The following NUB1 variants were observed in gnomAD, a reference collection of about 807,000 sequenced individuals.
The protein encoded by NUB1 is NEDD8 ultimate buster 1.
Under a neutral mutation model 77.1 loss-of-function variants are expected in NUB1, and 41 were observed. The observed-to-expected ratio is 0.53, with a 90% CI of 0.41 to 0.69. The LOEUF (loss-of-function observed/expected upper bound fraction) is 0.69. Ranked by LOEUF, NUB1 falls within the 30% of genes least tolerant of loss-of-function variation. The pLI, the probability that NUB1 is intolerant of heterozygous loss-of-function variation, is 0.00. For synonymous variants in NUB1, 257 were observed against 281.0 expected, an observed-to-expected ratio of 0.91 and a Z score of 0.85; for missense variants, 643 against 743.8, an observed-to-expected ratio of 0.86 and a Z score of 1.58.
chr7:151,377,300 G>GCA lies in NUB1; in HGVS notation c.*75_*76insCA. The GCA allele has an allele frequency of 1.2e-6, 1 of 865,246 alleles. No individual in the cohort carries two copies. The highest frequency in any genetic ancestry group is 3.6e-5 in the Admixed American group (1 of 27,848). 53.6% of individuals were successfully genotyped at this position (865,246 alleles called of 1,614,324 possible). On this transcript the variant is annotated 3_prime_UTR_variant, in exon 15 of 15. Coordinates refer to ENST00000568733, the MANE Select transcript of NUB1 (RefSeq NM_001243351.2). ...TGAAAAGGCTAATGCAGCTCTTTCT[G>GCA]TTCTTACTTTTTATCTGAATTACAA...
intron 12 of NUB1, among the ~76,000 whole-genome samples, chr7:151,374,948 G>T (rs1187557996): frequency 6.6e-6 from 1 of 151,850 alleles, no homozygotes; most frequent in Admixed American, 6.6e-5. Flanking sequence ...AGTCCAGACA[G>T]ATGCTGGGGC....
intron 3 of NUB1, among the ~76,000 whole-genome samples, chr7:151,350,024 CAT>C (rs1410007093): frequency 2.6e-5 from 4 of 152,242 alleles, no homozygotes; most frequent in Admixed American, 6.5e-5. Flanking sequence ...TCACAGGAGT[CAT>C]GTGTCCACCG....
intron 5 of NUB1, 144 bp from the exon 6 acceptor site, chr7:151,355,624 G>T: frequency 1.3e-6 from 1 of 778,208 alleles, no homozygotes; most frequent in Non-Finnish European, 2.0e-6. Flanking sequence ...GGGGAGCCAT[G>T]ATCGTGTCAC....
chr7:151,376,344 C>G (rs1428176996), intron 13 of NUB1: 2 of 490,554 alleles, frequency 4.1e-6, no homozygotes, highest in African/African-American at 3.8e-5. Context: ...GCTGTGGCCA[C>G]TGACCTCGCG....
chr7:151,374,192 G>T lies in NUB1; in HGVS notation c.1344G>T (p.Ala448=). 6.4e-7 allele frequency: 1 copy of T among 1,572,398 alleles called. No homozygotes were observed. Among genetic ancestry groups the T allele is most frequent in the Non-Finnish European group, 8.6e-7 (1 of 1,159,312 alleles). Residue 448 remains alanine, a synonymous_variant, in exon 12 of 15, where the codon GCG becomes GCT. Coordinates refer to ENST00000568733, the MANE Select transcript of NUB1 (RefSeq NM_001243351.2). ...FLKGMGYSTH[A]AQQVLHAASG... ...AAGGGATGGGCTACTCCACGCACGC[G>T]GCCCAGCAGGTACTCCACGCAGCCA...
chr7:151,350,493 A>G (rs1470447700), intron 3 of NUB1, among the ~76,000 whole-genome samples: 2 of 152,264 alleles, frequency 1.3e-5, no homozygotes, highest in Non-Finnish European at 2.9e-5. Flanking sequence ...CGGGCATAAC[A>G]GAGGGCTCAC....
intron 1 of NUB1, among the ~76,000 whole-genome samples, chr7:151,343,471 T>C (rs138570836): frequency 2.0e-5 from 3 of 152,292 alleles, no homozygotes; most frequent in African/African-American, 7.2e-5. Flanking sequence ...AAGAAAGAAA[T>C]TTATCTTGGT....
At chr7:151,375,801 G>A in intron 12 of NUB1, 47 bp from the exon 13 acceptor site, 3 of 1,277,186 alleles carry the variant, frequency 2.3e-6, no homozygotes, top group Non-Finnish European at 3.4e-6. Context: ...GTCTGAATGT[G>A]TGAAGAGTTC....
chr7:151,348,837 A>G (rs1382699503), intron 2 of NUB1, among the ~76,000 whole-genome samples: 1 of 151,838 alleles, frequency 6.6e-6, no homozygotes. Context: ...GGCCTCCCAA[A>G]GTGCTGGGAT....
intron 11 of NUB1, 52 bp downstream of exon 11, chr7:151,368,939 GATA>G: frequency 6.5e-7 from 1 of 1,537,042 alleles, no homozygotes. Context: ...AACAAAAAAA[GATA>G]ATCCCACAGG....
chr7:151,375,884 G>T lies in NUB1; in HGVS notation c.1432G>T (p.Asp478Tyr). 2 of 1,613,310 alleles carry T rather than the reference G, an allele frequency of 1.2e-6. No individual in the cohort carries two copies. Among genetic ancestry groups the T allele is most frequent in the South Asian group, 2.2e-5 (2 of 91,040 alleles). The change falls in exon 13 of 15, where the codon GAT becomes TAT. Residue 478 changes from aspartate (D) to tyrosine (Y), a missense_variant. By Grantham distance (160) the Asp-to-Tyr change is radical. Transcript: ENST00000568733. ...LSNPQMWWLN[D>Y]SNPETDNRQE... ...CAATCCTCAGATGTGGTGGTTAAAT[G>T]ATTCCAATCCTGAAACCGACAACCG...
chr7:151,347,881 A>T (rs530454634), intron 2 of NUB1, among the ~76,000 whole-genome samples: 22 of 152,248 alleles, frequency 1.4e-4, no homozygotes, highest in Non-Finnish European at 2.6e-4. Flanking sequence ...ATTTAATGAA[A>T]CCTTGACCTT....
At chr7:151,367,799 G>C (rs543665584) in intron 9 of NUB1, 62 bp from the exon 10 acceptor site, 96 of 1,032,876 alleles carry the variant, frequency 9.3e-5, no homozygotes, top group Non-Finnish European at 1.4e-4. Context: ...ACAGAGATGA[G>C]TATTATAGAC....
At chr7:151,362,150 C>T (rs1260661751) in intron 8 of NUB1, among the ~76,000 whole-genome samples, 1 of 152,138 alleles carries the variant, frequency 6.6e-6, no homozygotes, top group African/African-American at 2.4e-5. Context: ...AATTTGGCTA[C>T]ATCTTCAGTT....
In NUB1 at chr7:151,368,848, C is replaced by T. The variant is rs763134389; in HGVS notation, c.1209C>T (p.Asn403=). The T allele has an allele frequency of 2.3e-5, 37 of 1,613,794 alleles. No individual in the cohort carries two copies. In the East Asian group the frequency reaches 2.4e-4, roughly 11 times the overall value. Residue 403 remains asparagine (N), a synonymous_variant, in exon 11 of 15, where the codon AAC becomes AAT. Transcript: ENST00000568733. ...TTGGCCTGAGGGCGTGTGATGGGAA[C>T]GTGGATCATGCGGCCACTCATATTA... ...ARLGLRACDG[N]VDHAATHITN... is the part of the protein sequence containing the mutation.
At chr7:151,364,278 G>A (rs761680100) in intron 8 of NUB1, among the ~76,000 whole-genome samples, 1 of 149,206 alleles carries the variant, frequency 6.7e-6, no homozygotes. Flanking sequence ...AAAATTAGCC[G>A]GGCATGGTGG....
At chr7:151,347,012 G>A (rs992808610) in intron 2 of NUB1, among the ~76,000 whole-genome samples, 6 of 152,094 alleles carry the variant, frequency 3.9e-5, no homozygotes, top group Admixed American at 6.6e-5. Context: ...GAATTGAATC[G>A]TAGGACTTCC....
chr7:151,351,411 T>G lies in NUB1; in HGVS notation c.286-13T>G. Reference sequence around the variant, plus strand: ...AAATTCAAGTACGTTTTACTTTGTCTTATTTTTAACAGGATAGGAAAAACT... The same window carrying G: ...AAATTCAAGTACGTTTTACTTTGTCGTATTTTTAACAGGATAGGAAAAACT... On this transcript the variant is annotated splice_polypyrimidine_tract_variant and intron_variant, in intron 3 of 14. Coordinates refer to ENST00000568733, the MANE Select transcript of NUB1 (RefSeq NM_001243351.2). 6.3e-7 allele frequency: 1 copy of G among 1,599,844 alleles called. No individual in the cohort carries two copies.
intron 2 of NUB1, among the ~76,000 whole-genome samples, chr7:151,346,709 A>G (rs1327203829): frequency 6.6e-6 from 1 of 152,136 alleles, no homozygotes; most frequent in Non-Finnish European, 1.5e-5. Flanking sequence ...TATGCTCAGG[A>G]CCCTTCCAGA....
Sources: gnomAD v4.1 joint callset for allele counts (sites outside exome capture counted in the v4.1 genomes callset) on GRCh38, gnomAD v4.1.1 for gene constraint, MANE v1.5 for transcripts, NCBI Gene and HGNC (gene_info 2026-07-23, HGNC 2026-07-21) for gene names.